PCLO: variants seen among roughly 807,000 people sequenced by gnomAD.
PCLO encodes protein piccolo.
Under a neutral mutation model 427.5 loss-of-function variants are expected in PCLO, and 82 were observed. That is an observed-to-expected ratio of 0.19 (90% CI 0.16 to 0.23). The LOEUF is 0.23. Ranked by LOEUF, PCLO falls within the 10% of genes least tolerant of loss-of-function variation. PCLO has a pLI of 1.00. For synonymous variants in PCLO, 2,357 were observed against 2,155.4 expected, an observed-to-expected ratio of 1.09 and a Z score of -2.59; for missense variants, 6,239 against 6,115.9, an observed-to-expected ratio of 1.02 and a Z score of -0.67.
chr7:83,155,792 A>G lies in PCLO; in HGVS notation c.849T>C (p.Thr283=). ...CTCCCCTTACTATGTCTGCCTGTTTAGTCTGAGGCCTGGATGCATCTCGTT... is the reference window on the plus strand; with the variant it reads ...CTCCCCTTACTATGTCTGCCTGTTTGGTCTGAGGCCTGGATGCATCTCGTT... The part of the protein sequence containing the change: ...PLQRDASRPQ[T]KQADIVRGES... Residue 283 remains threonine, a synonymous_variant, in exon 2 of 25, where the codon ACT becomes ACC. Transcript: ENST00000333891. 1 of 1,613,904 alleles carries G rather than the reference A, an allele frequency of 6.2e-7. No homozygotes were observed. Among genetic ancestry groups the G allele is most frequent in the East Asian group, 2.2e-5 (1 of 44,872 alleles).
chr7:83,085,119 A>G (rs991405004), intron 3 of PCLO, among the ~76,000 whole-genome samples: 3 of 152,120 alleles, frequency 2.0e-5, no homozygotes, highest in African/African-American at 7.2e-5. Context: ...ATGATGCACA[A>G]TTCATGCATT....
In PCLO at chr7:82,803,024, T is replaced by G. The variant is rs138469643; in HGVS notation, c.14934-1433A>C. On this transcript the variant is annotated intron_variant, in intron 21 of 24. Transcript: ENST00000333891. Reference sequence around the variant, plus strand: ...TTAAGCAATTTCCAACATTTCCATTTTACCATATATATGTTAAACCATGGT... The same window carrying G: ...TTAAGCAATTTCCAACATTTCCATTGTACCATATATATGTTAAACCATGGT... Among the ~76,000 whole-genome samples, 1,047 of 152,254 alleles carry G rather than the reference T, an allele frequency of 6.9e-3. 15 individuals carry two copies. The highest frequency in any genetic ancestry group is 0.024 in the African/African-American group (980 of 41,568).
chr7:82,864,550 A>G (rs1034869848), intron 10 of PCLO, among the ~76,000 whole-genome samples: 1 of 152,116 alleles, frequency 6.6e-6, no homozygotes, highest in Non-Finnish European at 1.5e-5. Context: ...TAATAATTAG[A>G]TCATTATTTT....
Position 83,097,526 on chromosome 7 carries a change from ATATATATATATATATAATATAT to A in PCLO, c.3300+36702_3300+36723del, listed in dbSNP as rs1349913837. On this transcript the variant is annotated intron_variant, in intron 3 of 24. Transcript: ENST00000333891. Reference sequence around the variant, plus strand: ...GACAGAGCAAGACCCAGTCTCAAAAATATATATATATATATAATATATAAAATACATATATTATATATATATT... The same window carrying A: ...GACAGAGCAAGACCCAGTCTCAAAAAAAAATACATATATTATATATATATT... Among the ~76,000 whole-genome samples the A allele has an allele frequency of 3.5e-3, 501 of 144,040 alleles. 3 individuals carry two copies. Among genetic ancestry groups the A allele is most frequent in the African/African-American group, 0.012 (479 of 39,816 alleles). 94.5% of individuals were successfully genotyped at this position (144,040 alleles called of 152,430 possible). A position where few individuals can be genotyped will look rare whatever the true frequency, so the allele number is the denominator to read the frequency against.
rs186313896 is a variant in PCLO, at chr7:83,068,073, C to T, written c.3300+66177G>A. ...ACAATATTGGGTAATATATAAAAGT[C>T]AAAATTTTATATTAAAACTGAAATT... is the stretch of plus-strand genomic sequence containing the variant. On this transcript the variant is annotated intron_variant, in intron 3 of 24. Coordinates refer to ENST00000333891, the MANE Select transcript of PCLO (RefSeq NM_033026.6). Among the ~76,000 whole-genome samples, 7 of 152,132 alleles carry T rather than the reference C, an allele frequency of 4.6e-5. No individual in the cohort carries two copies. The East Asian group carries it at 1.4e-3, about 29-fold the overall frequency.
intron 6 of PCLO, among the ~76,000 whole-genome samples, chr7:82,925,146 T>G (rs2116314949): frequency 6.6e-6 from 1 of 152,292 alleles, no homozygotes; most frequent in Non-Finnish European, 1.5e-5. Context: ...CTTTATTTTC[T>G]TCCGCTCTGC....
At chr7:82,960,263 T>G (rs1795627015) in intron 4 of PCLO, among the ~76,000 whole-genome samples, 1 of 152,202 alleles carries the variant, frequency 6.6e-6, no homozygotes, top group Non-Finnish European at 1.5e-5. Context: ...TTTGAGTGTT[T>G]GAAACACTCC....
At chr7:82,924,535 C>T (rs1794669334) in intron 6 of PCLO, among the ~76,000 whole-genome samples, 1 of 151,936 alleles carries the variant, frequency 6.6e-6, no homozygotes, top group Non-Finnish European at 1.5e-5. Context: ...AAAAATTGTC[C>T]ACAACTGCAA....
chr7:82,830,437 A>G, intron 16 of PCLO, among the ~76,000 whole-genome samples: 1 of 152,054 alleles, frequency 6.6e-6, no homozygotes, highest in African/African-American at 2.4e-5. Context: ...ATTAATACAT[A>G]GAAAGAGTTA....
chr7:82,964,124 T>C (rs1261934740), intron 4 of PCLO, among the ~76,000 whole-genome samples: 1 of 151,970 alleles, frequency 6.6e-6, no homozygotes, highest in Non-Finnish European at 1.5e-5. Context: ...AGTAATTAGA[T>C]TGCTCAAATA....
In PCLO at chr7:82,916,890, A is replaced by G; in HGVS notation, c.11113-17T>C. The G allele has an allele frequency of 6.4e-7, 1 of 1,559,160 alleles. No individual in the cohort carries two copies. The highest frequency in any genetic ancestry group is 8.7e-7 in the Non-Finnish European group (1 of 1,143,584). On this transcript the variant is annotated splice_polypyrimidine_tract_variant and intron_variant, in intron 6 of 24. Coordinates refer to ENST00000333891, the MANE Select transcript of PCLO (RefSeq NM_033026.6). ...ACCTTTAGTCTATAATCAAGTAAAC[A>G]AAATATAGTACTTTAGTATAAAGAA...
intron 2 of PCLO, among the ~76,000 whole-genome samples, chr7:83,138,634 G>A (rs1290302569): frequency 3.3e-5 from 5 of 151,802 alleles, no homozygotes; most frequent in Admixed American, 6.6e-5. Flanking sequence ...CCTGGATGAC[G>A]GAGCAAGACT....
chr7:83,148,919 A>T (rs565424502), intron 2 of PCLO, among the ~76,000 whole-genome samples: 27 of 152,328 alleles, frequency 1.8e-4, no homozygotes, highest in Non-Finnish European at 8.8e-5. Context: ...GGGGGTCAGT[A>T]TCCAAGTAAG....
At chr7:83,002,860 G>C (rs1263196089) in intron 3 of PCLO, among the ~76,000 whole-genome samples, 2 of 151,732 alleles carry the variant, frequency 1.3e-5, no homozygotes, top group African/African-American at 4.8e-5. Context: ...TCAGTGTTCT[G>C]AGGTCTAATG....
chr7:82,798,445 T>G (rs1791274163), intron 22 of PCLO, among the ~76,000 whole-genome samples: 1 of 152,162 alleles, frequency 6.6e-6, no homozygotes, highest in African/African-American at 2.4e-5. Context: ...ATAAAGATAA[T>G]TATTTGGATC....
At chr7:83,132,295 A>C (rs1003166350) in intron 3 of PCLO, among the ~76,000 whole-genome samples, 2 of 152,196 alleles carry the variant, frequency 1.3e-5, no homozygotes, top group African/African-American at 4.8e-5. Context: ...ACAGAGCAAA[A>C]TAATTTGAAC....
intron 3 of PCLO, among the ~76,000 whole-genome samples, chr7:83,064,842 GAAT>G (rs573058920): frequency 6.8e-4 from 103 of 151,906 alleles, no homozygotes; most frequent in African/African-American, 2.1e-3. Flanking sequence ...AATTGGAAAA[GAAT>G]AATAACTATA....
chr7:83,133,807 T>TTGAATG (rs1243311544), intron 3 of PCLO, among the ~76,000 whole-genome samples: 2 of 152,124 alleles, frequency 1.3e-5, no homozygotes, highest in African/African-American at 4.8e-5. Flanking sequence ...AACAAACTTC[T>TTGAATG]TTTATTAATG....
In PCLO at chr7:82,949,710, G is replaced by A. The variant is rs917920705; in HGVS notation, c.10878C>T (p.Pro3626=). The change falls in exon 6 of 25, where the codon CCC becomes CCT. Residue 3626 remains proline, a synonymous_variant. Coordinates refer to ENST00000333891, the MANE Select transcript of PCLO (RefSeq NM_033026.6). ...CTTTGCCTGGTGAAAGTGGTGAGAT[G>A]GGTGAGTAAAGGACTTTGGGGGATT... ...PPKSPKVLYS[P]ISPLSPGKAL... 1 of 1,613,756 alleles carries A rather than the reference G, an allele frequency of 6.2e-7. No homozygotes were observed. The highest frequency in any genetic ancestry group is 1.3e-5 in the African/African-American group (1 of 74,990).
Sources: gnomAD v4.1 joint callset for allele counts (sites outside exome capture counted in the v4.1 genomes callset) on GRCh38, gnomAD v4.1.1 for gene constraint, MANE v1.5 for transcripts, NCBI Gene and HGNC (gene_info 2026-07-23, HGNC 2026-07-21) for gene names.